The following MUC21 variants were observed in gnomAD, a reference collection of about 807,000 sequenced individuals.
MUC21 encodes mucin 21, cell surface associated, also known as mucin-21.
Under a neutral mutation model 9.1 loss-of-function variants are expected in MUC21, and 8 were observed. That is an observed-to-expected ratio of 0.88 (90% CI 0.52 to 1.59). The LOEUF (loss-of-function observed/expected upper bound fraction) is 1.59. Among genes scored for constraint, MUC21 ranks in the 40% most tolerant of loss-of-function variants. The probability of loss-of-function intolerance (pLI) is 0.00; values close to 1 mark genes in which losing one functional copy is unlikely to be tolerated. For synonymous variants in MUC21, 189 were observed against 275.2 expected, an observed-to-expected ratio of 0.69 and a Z score of 3.10; for missense variants, 478 against 694.2, an observed-to-expected ratio of 0.69 and a Z score of 3.50.
chr6:30,988,104 C>T lies in MUC21; in HGVS notation c.1611C>T (p.Pro537=). 1.2e-6 allele frequency: 2 copies of T among 1,612,908 alleles called. No individual in the cohort carries two copies. Among genetic ancestry groups the T allele is most frequent in the Non-Finnish European group, 1.7e-6 (2 of 1,179,920 alleles). The part of the protein sequence containing the change: ...GPGPGGNHGA[P]HRPRWSPNWF... ...GCCCTGGAGGGAATCATGGAGCCCCCCACAGGCCCAGGTGGAGTCCTAACT... is the reference window on the plus strand; with the variant it reads ...GCCCTGGAGGGAATCATGGAGCCCCTCACAGGCCCAGGTGGAGTCCTAACT... Residue 537 remains proline, a synonymous_variant, in exon 3 of 3, where the codon CCC becomes CCT. Transcript: ENST00000376296.
In MUC21 at chr6:30,983,927, A is replaced by G. The variant is rs1762143261; in HGVS notation, c.-32A>G. The G allele has an allele frequency of 1.3e-6, 1 of 778,814 alleles. No homozygotes were observed. Among genetic ancestry groups the G allele is most frequent in the East Asian group, 2.4e-5 (1 of 41,210 alleles). 48.2% of individuals were successfully genotyped at this position (778,814 alleles called of 1,614,324 possible). ...TAAAGTCTTGGTACATCTAGGACCC[A>G]GGCATCTTGCTTTCCAGCCACAAAG... On this transcript the variant is annotated 5_prime_UTR_variant, in exon 1 of 3. Transcript: ENST00000376296.
chr6:30,988,066 G>A lies in MUC21; in HGVS notation c.1573G>A (p.Gly525Ser). ...CTACCACCCTCATGGCCTCAACCAT[G>A]GCCTTGGTCCAGGCCCTGGAGGGAA... ...AVYHPHGLNH[G>S]LGPGPGGNHG... The change falls in exon 3 of 3, where the codon GGC becomes AGC. Residue 525 changes from glycine to serine, a missense_variant. Transcript: ENST00000376296. The A allele has an allele frequency of 3.2e-6, 5 of 1,579,364 alleles. No homozygotes were observed. Among genetic ancestry groups the A allele is most frequent in the Non-Finnish European group, 4.4e-6 (5 of 1,149,382 alleles).
chr6:30,985,731 C>T (rs1468474322), intron 1 of MUC21, among the ~76,000 whole-genome samples: 1 of 152,180 alleles, frequency 6.6e-6, no homozygotes, highest in African/African-American at 2.4e-5. Context: ...GGTTCAGTTT[C>T]CTGTTCCACC....
At position 30,985,760 on chromosome 6, in the gene MUC21, C is replaced by A. The variant is rs758970457; in HGVS notation, c.62-477C>A. On this transcript the variant is annotated intron_variant, in intron 1 of 2. Transcript: ENST00000376296. The stretch of plus-strand genomic sequence containing the variant: ...TTCCACCACTCACTAGCTGTGTAAA[C>A]TTGGGCCAGTGTCAACTTTTTTTTA... Among the ~76,000 whole-genome samples, 37 of 152,084 alleles carry A rather than the reference C, an allele frequency of 2.4e-4. 1 individual carries two copies. The highest frequency in any genetic ancestry group is 3.2e-3 in the Middle Eastern group (1 of 316).
Position 30,988,217 on chromosome 6 carries a change from C to A in MUC21, c.*23C>A. 6.3e-7 allele frequency: 1 copy of A among 1,598,406 alleles called. No individual in the cohort carries two copies. On this transcript the variant is annotated 3_prime_UTR_variant, in exon 3 of 3. Coordinates refer to ENST00000376296, the MANE Select transcript of MUC21 (RefSeq NM_001010909.5). ...TGAGCAGCCCCGGAAGCAAGTGCCG[C>A]ATTCTTCAGGAAGGAAGAGACCTGG...
intron 2 of MUC21, 83 bp downstream of exon 2, chr6:30,987,764 A>C: frequency 6.5e-7 from 1 of 1,546,424 alleles, no homozygotes; most frequent in Non-Finnish European, 8.7e-7. Context: ...AAGGGGTCTC[A>C]AGTCAGGGGT....
intron 2 of MUC21, 83 bp downstream of exon 2, chr6:30,987,764 A>T: frequency 6.5e-7 from 1 of 1,546,424 alleles, no homozygotes; most frequent in Admixed American, 2.0e-5. Flanking sequence ...AAGGGGTCTC[A>T]AGTCAGGGGT....
At position 30,986,316 on chromosome 6, in the gene MUC21, C is replaced by A. The variant is rs1218435797; in HGVS notation, c.141C>A (p.Asn47Lys). Residue 47 changes from asparagine (N) to lysine (K), a missense_variant, in exon 2 of 3, where the codon AAC becomes AAA. By Grantham distance (94) the Asn-to-Lys change is moderately conservative. Around this residue, in one of 5 missense-constraint regions of MUC21, gnomAD observed 110 missense variants for 108.3 expected, o/e 1.02. Transcript: ENST00000376296. ...CCAGTGGAGCCAGCACAGCCACCAA[C>A]TCTGGGTCCAGTGTGACCTCCAGTG... ...VISSGASTATNSGSSVTSSGV... is the reference protein window; with the variant it reads ...VISSGASTATKSGSSVTSSGV... 6.2e-7 allele frequency: 1 copy of A among 1,613,774 alleles called. No homozygotes were observed.
intron 1 of MUC21, among the ~76,000 whole-genome samples, chr6:30,985,992 C>G (rs2523928): frequency 0.15 from 22,371 of 152,068 alleles, 1,739 homozygotes; most frequent in Admixed American, 0.2. Context: ...CTCGAACTCC[C>G]AACCTCAGGT....
chr6:30,987,951 G>A (rs770290883), intron 2 of MUC21, 49 bp from the exon 3 acceptor site: 17 of 984,332 alleles, frequency 1.7e-5, no homozygotes, highest in Non-Finnish European at 2.5e-5. Context: ...TGGTAAAGGC[G>A]TGGGAGACAG....
At chr6:30,984,428 T>TG (rs1167192576) in intron 1 of MUC21, among the ~76,000 whole-genome samples, 1 of 151,972 alleles carries the variant, frequency 6.6e-6, no homozygotes, top group Non-Finnish European at 1.5e-5. Context: ...CCCAGCACTT[T>TG]GGGAGGGTGA....
At position 30,986,618 on chromosome 6, in the gene MUC21, G is replaced by C; in HGVS notation, c.443G>C (p.Ser148Thr). ...SDSSTTSSGASTATNSDSSTT... is the reference protein window; with the variant it reads ...SDSSTTSSGATTATNSDSSTT... ...TCCAGCACAACCTCCAGTGGGGCTA[G>C]CACAGCCACCAACTCTGACTCCAGC... is the stretch of plus-strand genomic sequence containing the variant. The change falls in exon 2 of 3, where the codon AGC becomes ACC. Residue 148 changes from serine to threonine, a missense_variant. Ser to Thr is a moderately conservative substitution (Grantham distance 58). Transcript: ENST00000376296. The C allele has an allele frequency of 6.5e-7, 1 of 1,545,530 alleles. No homozygotes were observed.
chr6:30,987,575 G>T lies in MUC21; in HGVS notation c.1400G>T (p.Ser467Ile). The change falls in exon 2 of 3, where the codon AGT (serine) becomes ATT (isoleucine). Residue 467 changes from serine (S) to isoleucine (I), a missense_variant. Around this residue, in one of 5 missense-constraint regions of MUC21, gnomAD observed 158 missense variants for 192.6 expected, o/e 0.82. Coordinates refer to ENST00000376296, the MANE Select transcript of MUC21 (RefSeq NM_001010909.5). ...TTSHSASTAV[S>I]EAKPGGSLVP... The stretch of plus-strand genomic sequence containing the variant: ...TCCCATAGTGCATCTACTGCAGTGA[G>T]TGAGGCGAAGCCTGGTGGGTCCCTG... 1 of 1,614,270 alleles carries T rather than the reference G, an allele frequency of 6.2e-7. No homozygotes were observed. The highest frequency in any genetic ancestry group is 8.5e-7 in the Non-Finnish European group (1 of 1,180,040).
intron 2 of MUC21, 26 bp from the exon 3 acceptor site, chr6:30,987,974 G>A (rs989541094): frequency 9.6e-7 from 1 of 1,041,278 alleles, no homozygotes; most frequent in Non-Finnish European, 1.5e-6. Context: ...ATGCAATTCT[G>A]AAACTATTGA....
chr6:30,984,177 A>G (rs895544940), intron 1 of MUC21, 158 bp downstream of exon 1: 1 of 587,618 alleles, frequency 1.7e-6, no homozygotes, highest in African/African-American at 1.9e-5. Flanking sequence ...TCATGCAGGA[A>G]GCAGTCAGAC....
Position 30,988,367 on chromosome 6 carries a change from A to G in MUC21, c.*173A>G. ...GCCTTTACCAGACACTGGAAAGAGAATACTATATTGCTCATTTAGCTAAGA... is the reference window on the plus strand; with the variant it reads ...GCCTTTACCAGACACTGGAAAGAGAGTACTATATTGCTCATTTAGCTAAGA... On this transcript the variant is annotated 3_prime_UTR_variant, in exon 3 of 3. Coordinates refer to ENST00000376296, the MANE Select transcript of MUC21 (RefSeq NM_001010909.5). 1 of 604,392 alleles carries G rather than the reference A, an allele frequency of 1.7e-6. No individual in the cohort carries two copies. The highest frequency in any genetic ancestry group is 2.2e-5 in the South Asian group (1 of 44,768). The allele number at this position is 604,392 out of a possible 1,614,324, so 37.4% of individuals were successfully genotyped here.
chr6:30,985,376 C>T (rs1356048710), intron 1 of MUC21, among the ~76,000 whole-genome samples: 1 of 152,156 alleles, frequency 6.6e-6, no homozygotes, highest in East Asian at 1.9e-4. Context: ...CATGCAGACT[C>T]CTGGGCCCCA....
Position 30,988,032 on chromosome 6 carries a change from C to A in MUC21, c.1539C>A (p.Asn513Lys). The A allele has an allele frequency of 1.5e-6, 2 of 1,364,538 alleles. No homozygotes were observed. The highest frequency in any genetic ancestry group is 2.1e-6 in the Non-Finnish European group (2 of 953,386). The allele number at this position is 1,364,538 out of a possible 1,614,324, so 84.5% of individuals were successfully genotyped here. ...GCCTGTCCCTGAGAAACACCTTTAA[C>A]ACAGCTGTCTACCACCCTCATGGCC... Reference protein sequence around the residue: ...RNSLSLRNTFNTAVYHPHGLN... With the variant: ...RNSLSLRNTFKTAVYHPHGLN... The change falls in exon 3 of 3, where the codon AAC (asparagine) becomes AAA (lysine). Residue 513 changes from asparagine to lysine, a missense_variant. Physicochemically the swap from Asn to Lys is moderately conservative, Grantham distance 94. Transcript: ENST00000376296.
At position 30,983,951 on chromosome 6, in the gene MUC21, A is replaced by C. The variant is rs1440069875; in HGVS notation, c.-8A>C. The C allele has an allele frequency of 5.1e-6, 4 of 779,688 alleles. No homozygotes were observed. Among genetic ancestry groups the C allele is most frequent in the Admixed American group, 5.1e-5 (3 of 59,026 alleles). 48.3% of individuals were successfully genotyped at this position (779,688 alleles called of 1,614,324 possible). On this transcript the variant is annotated 5_prime_UTR_variant, in exon 1 of 3. Coordinates refer to ENST00000376296, the MANE Select transcript of MUC21 (RefSeq NM_001010909.5). ...CAGGCATCTTGCTTTCCAGCCACAA[A>C]GAGACAGATGAAGATGCAGAAAGGA...
Sources: allele counts gnomAD v4.1 joint callset (sites outside exome capture counted in the v4.1 genomes callset), GRCh38; gene constraint gnomAD v4.1.1; regional missense constraint gnomAD v4.1.1; transcripts MANE v1.5; gene names NCBI Gene and HGNC (gene_info 2026-07-23, HGNC 2026-07-21).